The following TGFBR3 variants were observed in gnomAD, a reference collection of about 807,000 sequenced individuals.
TGFBR3 encodes transforming growth factor beta receptor 3.
In TGFBR3, 46 loss-of-function variants were observed where a neutral mutation model predicts 87.9. That is an observed-to-expected ratio of 0.52 (90% confidence interval 0.41 to 0.67). TGFBR3 has a LOEUF of 0.67. Ranked by LOEUF, TGFBR3 falls within the 30% of genes least tolerant of loss-of-function variation. The pLI, the probability that TGFBR3 is intolerant of heterozygous loss-of-function variation, is 0.00. For synonymous variants in TGFBR3, 381 were observed against 391.6 expected, an observed-to-expected ratio of 0.97 and a Z score of 0.32; for missense variants, 866 against 1,041.9, an observed-to-expected ratio of 0.83 and a Z score of 2.32.
rs373207941 is a variant in TGFBR3 at position 91,716,409 on chromosome 1, C to G, written c.1708-15G>C. 7.4e-5 allele frequency: 120 copies of G among 1,614,022 alleles called. 2 individuals are homozygous for G. The South Asian group carries it at 1.3e-3, about 17-fold the overall frequency. On this transcript the variant is annotated splice_polypyrimidine_tract_variant and intron_variant, in intron 11 of 16. Coordinates refer to ENST00000212355, the MANE Select transcript of TGFBR3 (RefSeq NM_003243.5). ...CTGCAATTAAACTGGAAATAACAACCCACAGGAAGATTAATGACAGTCATA... is the reference window on the plus strand; with the variant it reads ...CTGCAATTAAACTGGAAATAACAACGCACAGGAAGATTAATGACAGTCATA...
At chr1:91,805,182 C>A (rs995700544) in intron 2 of TGFBR3, among the ~76,000 whole-genome samples, 17 of 152,308 alleles carry the variant, frequency 1.1e-4, no homozygotes, top group Admixed American at 3.9e-4. Flanking sequence ...TATGGATTCA[C>A]CTCCAGAGAC....
At chr1:91,688,258 T>G (rs1048459064) in intron 16 of TGFBR3, among the ~76,000 whole-genome samples, 1 of 152,168 alleles carries the variant, frequency 6.6e-6, no homozygotes, top group African/African-American at 2.4e-5. Flanking sequence ...GACTTTGGTT[T>G]TCTGTGGTAT....
At chr1:91,885,358 G>A (rs1038106273) in intron 1 of TGFBR3, among the ~76,000 whole-genome samples, 7 of 107,200 alleles carry the variant, frequency 6.5e-5, no homozygotes, top group Non-Finnish European at 1.6e-4. Flanking sequence ...AAAATAAACC[G>A]GGGCGGGGGG....
At chr1:91,709,161 G>A (rs1426209465) in intron 13 of TGFBR3, among the ~76,000 whole-genome samples, 1 of 152,126 alleles carries the variant, frequency 6.6e-6, no homozygotes, top group East Asian at 1.9e-4. Flanking sequence ...TGGTGATTGT[G>A]GGAAATTTCC....
chr1:91,698,094 G>A lies in TGFBR3; in HGVS notation c.2324C>T (p.Ser775Phe), dbSNP rs1227455477. The change falls in exon 15 of 17, where the codon TCT becomes TTT. Residue 775 changes from serine to phenylalanine, a missense_variant. Coordinates refer to ENST00000212355, the MANE Select transcript of TGFBR3 (RefSeq NM_003243.5). ...GPSMKEPNPI[S>F]PPIFHGLDTL... ...ATAGTTGCATAAAGACTTACGTGGA[G>A]AAATTGGATTTGGTTCCTTCATGCT... The A allele has an allele frequency of 3.1e-6, 5 of 1,613,816 alleles. No homozygotes were observed. The highest frequency in any genetic ancestry group is 4.2e-6 in the Non-Finnish European group (5 of 1,179,854).
intron 14 of TGFBR3, among the ~76,000 whole-genome samples, chr1:91,707,623 T>C (rs1671838141): frequency 1.3e-5 from 2 of 152,330 alleles, no homozygotes; most frequent in South Asian, 2.1e-4. Context: ...TCAAGGCCCT[T>C]GGTGCCCAGG....
intron 4 of TGFBR3, among the ~76,000 whole-genome samples, chr1:91,756,250 T>C (rs1045691068): frequency 4.6e-5 from 7 of 152,222 alleles, no homozygotes; most frequent in African/African-American, 1.7e-4. Flanking sequence ...CCTATAGTAT[T>C]GGACAGTATA....
In TGFBR3 at chr1:91,801,008, G is replaced by A. The variant is rs112767346; in HGVS notation, c.62-3537C>T. On this transcript the variant is annotated intron_variant, in intron 2 of 16. Transcript: ENST00000212355. ...TGAGGCAGAAGAATCGCTTGAACCC[G>A]GGAGGCGGAGGTTGCAGTGAGCCAA... is the stretch of plus-strand genomic sequence containing the variant. 4.1e-3 allele frequency: 891 copies of A among 219,138 alleles called. 4 individuals are homozygous for A. The highest frequency in any genetic ancestry group is 0.019 in the African/African-American group (810 of 42,506). The allele number at this position is 219,138 out of a possible 1,614,324, so 13.6% of individuals were successfully genotyped here. A position where few individuals can be genotyped will look rare whatever the true frequency, so the allele number is the denominator to read the frequency against.
intron 3 of TGFBR3, among the ~76,000 whole-genome samples, chr1:91,773,709 T>C (rs1261965469): frequency 6.6e-6 from 1 of 151,826 alleles, no homozygotes; most frequent in African/African-American, 2.4e-5. Flanking sequence ...TAGAAATGAA[T>C]GTATCTCAAT....
chr1:91,697,140 G>A (rs990112740), intron 15 of TGFBR3, among the ~76,000 whole-genome samples: 4 of 152,310 alleles, frequency 2.6e-5, no homozygotes, highest in African/African-American at 9.6e-5. Context: ...ATTAGAAGAT[G>A]ATTTGCCTTT....
chr1:91,886,218 C>A (rs1679303610), upstream of TGFBR3: 1 of 451,610 alleles, frequency 2.2e-6, no homozygotes, highest in Non-Finnish European at 4.4e-6. Context: ...ACGGGCAGGA[C>A]GCCACAGCAA....
chr1:91,854,642 CAT>C, intron 2 of TGFBR3, among the ~76,000 whole-genome samples: 1 of 152,156 alleles, frequency 6.6e-6, no homozygotes, highest in South Asian at 2.1e-4. Flanking sequence ...TGAGGTTATG[CAT>C]ATGTTAAAAA....
At chr1:91,840,533 G>A (rs1677235663) in intron 2 of TGFBR3, among the ~76,000 whole-genome samples, 1 of 148,338 alleles carries the variant, frequency 6.7e-6, no homozygotes, top group African/African-American at 2.5e-5. Context: ...GCATGATTTT[G>A]TAATATCATG....
intron 2 of TGFBR3, among the ~76,000 whole-genome samples, chr1:91,839,134 T>C (rs1677173250): frequency 6.6e-6 from 1 of 152,050 alleles, no homozygotes; most frequent in African/African-American, 2.4e-5. Flanking sequence ...CACACCACCA[T>C]TCCTGGCTAA....
chr1:91,713,048 G>A (rs1269399100), intron 12 of TGFBR3, among the ~76,000 whole-genome samples: 1 of 152,208 alleles, frequency 6.6e-6, no homozygotes, highest in African/African-American at 2.4e-5. Flanking sequence ...GAGTAAGCCT[G>A]ATGAGAGTCC....
intron 1 of TGFBR3, among the ~76,000 whole-genome samples, chr1:91,904,076 C>T (rs1182262383): frequency 6.6e-6 from 1 of 151,998 alleles, no homozygotes; most frequent in East Asian, 1.9e-4. Flanking sequence ...CCCAGCTACT[C>T]GGGAGGCTGA....
At chr1:91,865,457 A>C (rs1326984172) in intron 1 of TGFBR3, among the ~76,000 whole-genome samples, 1 of 152,164 alleles carries the variant, frequency 6.6e-6, no homozygotes, top group Non-Finnish European at 1.5e-5. Context: ...ATTTATTTAA[A>C]AAAAAAGTAG....
intron 1 of TGFBR3, among the ~76,000 whole-genome samples, chr1:91,880,890 A>AT (rs1376328338): frequency 1.3e-5 from 2 of 149,588 alleles, no homozygotes; most frequent in African/African-American, 4.9e-5. Context: ...ATAGTTATAG[A>AT]TTATATATAT....
chr1:91,824,370 T>C (rs778732445), intron 2 of TGFBR3, among the ~76,000 whole-genome samples: 3 of 152,046 alleles, frequency 2.0e-5, no homozygotes, highest in Non-Finnish European at 2.9e-5. Flanking sequence ...GACATGATAG[T>C]ATGAGGACTA....
Sources: gnomAD v4.1 joint callset for allele counts (sites outside exome capture counted in the v4.1 genomes callset) on GRCh38, gnomAD v4.1.1 for gene constraint, MANE v1.5 for transcripts, NCBI Gene and HGNC (gene_info 2026-07-23, HGNC 2026-07-21) for gene names.